VPS8: variants seen among roughly 807,000 people sequenced by gnomAD.
VPS8 encodes the protein vacuolar protein sorting-associated protein 8 homolog.
A neutral mutation model predicts 216.4 loss-of-function variants in VPS8; 129 were observed. The ratio of observed to expected loss-of-function variants is 0.60; its 90% confidence interval spans 0.52 to 0.69. The LOEUF (loss-of-function observed/expected upper bound fraction) is 0.69. Among genes scored for constraint, VPS8 ranks in the 30% least tolerant of loss-of-function variants. The pLI is 0.00. For missense variants in VPS8, 1,531 were observed against 1,683.5 expected, an observed-to-expected ratio of 0.91 and a Z score of 1.59; for synonymous variants, 571 against 565.4, an observed-to-expected ratio of 1.01 and a Z score of -0.14.
chr3:184,925,411 T>A (rs1220289981), intron 30 of VPS8, among the ~76,000 whole-genome samples: 2 of 152,222 alleles, frequency 1.3e-5, no homozygotes, highest in Non-Finnish European at 2.9e-5. Context: ...AAATACTTTT[T>A]GTCTGGAGAA....
intron 42 of VPS8, 116 bp downstream of exon 42, chr3:184,983,210 T>G: frequency 1.2e-6 from 1 of 865,998 alleles, no homozygotes; most frequent in Non-Finnish European, 1.6e-6. Flanking sequence ...GCAGCTAATT[T>G]TTGGCAATAG....
chr3:184,866,887 A>G lies in VPS8; in HGVS notation c.1407A>G (p.Gly469=), dbSNP rs769943396. 3 of 1,611,786 alleles carry G rather than the reference A, an allele frequency of 1.9e-6. No individual in the cohort carries two copies. The highest frequency in any genetic ancestry group is 2.5e-6 in the Non-Finnish European group (3 of 1,179,256). ...TGTTTTTCTTCCAGGCTTTGGTTGG[A>G]GAGAAGGCTTGTTATCAATCCATCA... is the stretch of plus-strand genomic sequence containing the variant. ...GNVSQALALV[G]EKACYQSISS... The change falls in exon 17 of 48, where the codon GGA becomes GGG. Residue 469 remains glycine, a synonymous_variant. Transcript: ENST00000625842.
intron 22 of VPS8, 39 bp from the exon 23 acceptor site, chr3:184,894,664 A>C (rs2073277167): frequency 6.8e-7 from 1 of 1,465,270 alleles, no homozygotes; most frequent in African/African-American, 1.4e-5. Context: ...GATATTTGGC[A>C]TGTTCCTAAA....
At chr3:184,977,435 G>T (rs1749460448) in intron 40 of VPS8, among the ~76,000 whole-genome samples, 1 of 152,066 alleles carries the variant, frequency 6.6e-6, no homozygotes, top group South Asian at 2.1e-4. Context: ...AGTTTCTCTT[G>T]CTGTGCAGAA....
chr3:184,893,347 C>A, intron 22 of VPS8: 1 of 1,256,708 alleles, frequency 8.0e-7, no homozygotes, highest in Non-Finnish European at 1.0e-6. Context: ...TTACCACTTT[C>A]TACAATTGAC....
intron 39 of VPS8, among the ~76,000 whole-genome samples, chr3:184,969,901 C>CTTTTTTTT (rs755680287): frequency 2.7e-5 from 3 of 110,220 alleles, no homozygotes; most frequent in Admixed American, 9.6e-5. Flanking sequence ...TACTTTCTTA[C>CTTTTTTTT]TTTTTTTTTT....
At chr3:184,973,053 A>G (rs1748681722) in intron 40 of VPS8, among the ~76,000 whole-genome samples, 1 of 152,256 alleles carries the variant, frequency 6.6e-6, no homozygotes, top group African/African-American at 2.4e-5. Context: ...GTCATAAATT[A>G]TGAAACGTCT....
At chr3:184,907,190 G>T (rs1027875740) in intron 25 of VPS8, among the ~76,000 whole-genome samples, 3 of 152,244 alleles carry the variant, frequency 2.0e-5, no homozygotes, top group Admixed American at 6.5e-5. Flanking sequence ...TTCCAGGTTA[G>T]AAGTAGGTAA....
intron 46 of VPS8, among the ~76,000 whole-genome samples, chr3:185,041,808 A>G (rs898492954): frequency 5.3e-5 from 8 of 152,360 alleles, no homozygotes; most frequent in African/African-American, 1.9e-4. Flanking sequence ...CTGTCACTGC[A>G]GAGCGTAGCC....
At chr3:184,938,105 A>G (rs943562878) in intron 35 of VPS8, among the ~76,000 whole-genome samples, 2 of 152,188 alleles carry the variant, frequency 1.3e-5, no homozygotes, top group African/African-American at 4.8e-5. Context: ...GGAGAGGACT[A>G]GCACTAAGTC....
At chr3:184,830,696 A>G (rs1029000930) in intron 3 of VPS8, among the ~76,000 whole-genome samples, 1 of 152,202 alleles carries the variant, frequency 6.6e-6, no homozygotes, top group Non-Finnish European at 1.5e-5. Context: ...AAGAAAATCA[A>G]ATAACATTTT....
intron 35 of VPS8, among the ~76,000 whole-genome samples, chr3:184,939,388 G>A (rs918543302): frequency 6.6e-6 from 1 of 151,726 alleles, no homozygotes; most frequent in African/African-American, 2.4e-5. Context: ...GATAAAGTGT[G>A]AATTTGTCAA....
At position 184,852,581 on chromosome 3, in the gene VPS8, G is replaced by T. The variant is rs754322988; in HGVS notation, c.821+14G>T. On this transcript the variant is annotated intron_variant, in intron 11 of 47. Transcript: ENST00000625842. ...ATTGACATTTAAGTAAGAGACTAGTGGACATTTGTTGACAAATGAAAAGAC... is the reference window on the plus strand; with the variant it reads ...ATTGACATTTAAGTAAGAGACTAGTTGACATTTGTTGACAAATGAAAAGAC... 1.9e-6 allele frequency: 3 copies of T among 1,610,244 alleles called. No homozygotes were observed. The African/African-American group carries it at 4.0e-5, about 22-fold the overall frequency.
In VPS8 at chr3:184,866,958, C is replaced by G. The variant is rs898714954; in HGVS notation, c.1470+8C>G. 4 of 1,611,502 alleles carry G rather than the reference C, an allele frequency of 2.5e-6. No individual in the cohort carries two copies. The African/African-American group carries it at 4.0e-5, about 16-fold the overall frequency. On this transcript the variant is annotated splice_region_variant and intron_variant, in intron 17 of 47. Transcript: ENST00000625842. ...TTTTATTTGGGGACAAAAGTAAGCT[C>G]TTTTACTCTGTGAGTTGGTATTTGT...
intron 25 of VPS8, among the ~76,000 whole-genome samples, chr3:184,910,742 A>G (rs971554795): frequency 2.0e-5 from 3 of 152,004 alleles, no homozygotes; most frequent in African/African-American, 7.3e-5. Context: ...GGGCCTTTCC[A>G]TGCCTCCCTA....
chr3:185,033,450 T>G (rs1452110237), intron 46 of VPS8, among the ~76,000 whole-genome samples: 1 of 152,266 alleles, frequency 6.6e-6, no homozygotes, highest in African/African-American at 2.4e-5. Flanking sequence ...TCTGCATGGC[T>G]TAATAGCTCT....
At chr3:184,845,816 GGA>G (rs1015058019) in intron 8 of VPS8, among the ~76,000 whole-genome samples, 4 of 150,718 alleles carry the variant, frequency 2.7e-5, no homozygotes, top group African/African-American at 9.7e-5. Context: ...ATATCTTTAT[GGA>G]GTCAAAGTAG....
intron 29 of VPS8, among the ~76,000 whole-genome samples, chr3:184,923,374 T>C (rs926718990): frequency 2.6e-5 from 4 of 152,174 alleles, no homozygotes; most frequent in African/African-American, 9.7e-5. Flanking sequence ...TTTCCACACA[T>C]AGGAATACTT....
intron 16 of VPS8, among the ~76,000 whole-genome samples, chr3:184,865,809 G>A (rs1262538531): frequency 6.6e-6 from 1 of 152,066 alleles, no homozygotes. Flanking sequence ...CCAACGTAGT[G>A]AAACCCTGTT....
Sources: gnomAD v4.1 joint callset for allele counts (sites outside exome capture counted in the v4.1 genomes callset) on GRCh38, gnomAD v4.1.1 for gene constraint, MANE v1.5 for transcripts, NCBI Gene and HGNC (gene_info 2026-07-23, HGNC 2026-07-21) for gene names.